The following COLEC10 variants were observed in gnomAD, a reference collection of about 807,000 sequenced individuals.
COLEC10 encodes the protein collectin subfamily member 10.
A neutral mutation model predicts 28.4 loss-of-function variants in COLEC10; 22 were observed. That is an observed-to-expected ratio of 0.78 (90% confidence interval 0.55 to 1.11). The LOEUF is 1.11. COLEC10 is among the 50% of genes least tolerant of loss of function. The pLI, the probability that COLEC10 is intolerant of heterozygous loss-of-function variation, is 0.00. For synonymous variants in COLEC10, 125 were observed against 116.1 expected, an observed-to-expected ratio of 1.08 and a Z score of -0.49; for missense variants, 361 against 344.1, an observed-to-expected ratio of 1.05 and a Z score of -0.39.
At chr8:119,018,040 G>A (rs1814025680) in intron 2 of COLEC10, among the ~76,000 whole-genome samples, 2 of 152,180 alleles carry the variant, frequency 1.3e-5, no homozygotes, top group Middle Eastern at 3.4e-3. Flanking sequence ...TTCTAGGAGG[G>A]GACAAAAGAT....
At chr8:119,073,032 A>G (rs1399962447) in intron 1 of COLEC10, among the ~76,000 whole-genome samples, 2 of 152,358 alleles carry the variant, frequency 1.3e-5, no homozygotes, top group East Asian at 3.9e-4. Flanking sequence ...TATGCCCAGG[A>G]AAGTCCAGAT....
upstream of COLEC10, among the ~76,000 whole-genome samples, chr8:119,062,546 C>T (rs1814875345): frequency 6.6e-6 from 1 of 151,198 alleles, no homozygotes; most frequent in Non-Finnish European, 1.5e-5. Context: ...GTGGCATGAT[C>T]TTGGCTCACT....
chr8:119,064,162 T>C (rs916237921), upstream of COLEC10, among the ~76,000 whole-genome samples: 1 of 152,234 alleles, frequency 6.6e-6, no homozygotes, highest in Non-Finnish European at 1.5e-5. Flanking sequence ...AACCACTTTA[T>C]GTATTCAATC....
intron 1 of COLEC10, among the ~76,000 whole-genome samples, chr8:119,069,632 ATATATAT>A (rs1563733712): frequency 0.032 from 1,618 of 50,284 alleles, 116 homozygotes; most frequent in African/African-American, 0.067. Context: ...AAAAAAAAAT[ATATATAT>A]ATATATATAT....
chr8:118,989,749 CTG>C, the COLEC10 span, among the ~76,000 whole-genome samples: 2 of 146,986 alleles, frequency 1.4e-5, no homozygotes, highest in African/African-American at 2.7e-5. Context: ...TGTAGGAAGG[CTG>C]TATACACAGA....
At chr8:119,049,413 T>C (rs1472393567) in intron 2 of COLEC10, among the ~76,000 whole-genome samples, 5 of 104,148 alleles carry the variant, frequency 4.8e-5, no homozygotes, top group South Asian at 3.4e-4. Flanking sequence ...TTTTTTTTTT[T>C]TTTTTTTTTT....
At chr8:118,962,353 G>A in the COLEC10 span, among the ~76,000 whole-genome samples, 3 of 152,172 alleles carry the variant, frequency 2.0e-5, no homozygotes, top group Non-Finnish European at 2.9e-5. Context: ...ACAGATAAAC[G>A]TCTAGTGTAT....
At chr8:118,995,122 C>T (rs569217068), upstream of COLEC10, among the ~76,000 whole-genome samples, 23 of 152,294 alleles carry the variant, frequency 1.5e-4, no homozygotes, top group Admixed American at 5.9e-4. Context: ...AAATACTACC[C>T]AGCCAGTATT....
upstream of COLEC10, among the ~76,000 whole-genome samples, chr8:118,992,917 A>G (rs1336107508): frequency 6.6e-6 from 1 of 152,170 alleles, no homozygotes; most frequent in African/African-American, 2.4e-5. Flanking sequence ...ATCATTATGA[A>G]CCTTAATTGT....
At chr8:118,966,100 A>T in the COLEC10 span, among the ~76,000 whole-genome samples, 17 of 152,142 alleles carry the variant, frequency 1.1e-4, no homozygotes, top group Admixed American at 2.6e-4. Flanking sequence ...ATCTTAGGAG[A>T]TGAAAGTTTA....
chr8:118,974,986 A>T, the COLEC10 span, among the ~76,000 whole-genome samples: 4 of 152,056 alleles, frequency 2.6e-5, no homozygotes, highest in African/African-American at 9.7e-5. Flanking sequence ...GATAAACTGC[A>T]CAAAACAAAA....
chr8:119,073,915 GTA>G (rs1815172245), intron 1 of COLEC10, among the ~76,000 whole-genome samples: 1 of 149,402 alleles, frequency 6.7e-6, no homozygotes. Context: ...TTTTATATAT[GTA>G]TATATGTGTA....
In COLEC10 at chr8:119,106,298, C is replaced by A; in HGVS notation, c.*107C>A. On this transcript the variant is annotated 3_prime_UTR_variant, in exon 6 of 6. Transcript: ENST00000332843. ...CTACATTTGATCTGAGTCAACATAGCTAGAAAATGCTAAACTGAGGTATGG... is the reference window on the plus strand; with the variant it reads ...CTACATTTGATCTGAGTCAACATAGATAGAAAATGCTAAACTGAGGTATGG... 2 of 1,176,546 alleles carry A rather than the reference C, an allele frequency of 1.7e-6. No homozygotes were observed. The highest frequency in any genetic ancestry group is 2.4e-6 in the Non-Finnish European group (2 of 837,618). 72.9% of individuals were successfully genotyped at this position (1,176,546 alleles called of 1,614,324 possible).
At chr8:118,953,748 C>T in the COLEC10 span, among the ~76,000 whole-genome samples, 1 of 152,070 alleles carries the variant, frequency 6.6e-6, no homozygotes, top group Non-Finnish European at 1.5e-5. Context: ...GGAAATATTT[C>T]CTATAGTTAT....
intron 1 of COLEC10, among the ~76,000 whole-genome samples, chr8:119,087,574 T>C (rs2130273170): frequency 6.6e-6 from 1 of 152,304 alleles, no homozygotes; most frequent in South Asian, 2.1e-4. Context: ...CAAGGATACA[T>C]TTCCTGTGAA....
intron 2 of COLEC10, among the ~76,000 whole-genome samples, chr8:119,036,825 T>A (rs1233048790): frequency 2.0e-5 from 3 of 152,152 alleles, no homozygotes; most frequent in Admixed American, 1.3e-4. Context: ...AAATAGTAAC[T>A]GAACTGTTAC....
intron 2 of COLEC10, among the ~76,000 whole-genome samples, chr8:119,018,471 T>G (rs1449095535): frequency 6.6e-6 from 1 of 152,222 alleles, no homozygotes; most frequent in Non-Finnish European, 1.5e-5. Context: ...GAAACTACTT[T>G]AAGAGTTATT....
exon 1 of COLEC10, chr8:118,995,508 T>C (rs1219285714): frequency 6.6e-6 from 1 of 152,194 alleles, no homozygotes; most frequent in Non-Finnish European, 1.5e-5. Context: ...CCCAGCCTCA[T>C]AGACTTATAG....
At chr8:118,978,409 G>T in the COLEC10 span, among the ~76,000 whole-genome samples, 6 of 152,094 alleles carry the variant, frequency 3.9e-5, no homozygotes, top group East Asian at 3.9e-4. Flanking sequence ...GGACATTTTT[G>T]ATTATATTTT....
Sources: gnomAD v4.1 joint callset for allele counts (sites outside exome capture counted in the v4.1 genomes callset) on GRCh38, gnomAD v4.1.1 for gene constraint, MANE v1.5 for transcripts, NCBI Gene and HGNC (gene_info 2026-07-23, HGNC 2026-07-21) for gene names.